SPTB: variants seen among roughly 807,000 people sequenced by gnomAD.
The protein encoded by SPTB is spectrin beta chain, erythrocytic.
A neutral mutation model predicts 256.2 loss-of-function variants in SPTB; 45 were observed. The ratio of observed to expected loss-of-function variants is 0.18; its 90% CI spans 0.14 to 0.23. The LOEUF is 0.23. Among genes scored for constraint, SPTB ranks in the 10% least tolerant of loss-of-function variants. The probability of loss-of-function intolerance (pLI) is 1.00; values close to 1 mark genes in which losing one functional copy is unlikely to be tolerated. For synonymous variants in SPTB, 1,231 were observed against 1,243.1 expected, an observed-to-expected ratio of 0.99 and a Z score of 0.21; for missense variants, 2,715 against 3,040.4, an observed-to-expected ratio of 0.89 and a Z score of 2.52.
At chr14:64,817,072 G>A (rs1301079334) in intron 2 of SPTB, among the ~76,000 whole-genome samples, 1 of 152,216 alleles carries the variant, frequency 6.6e-6, no homozygotes, top group East Asian at 1.9e-4. Context: ...ACCCATAGAA[G>A]GGAAGCAGCC....
rs143293179 is a variant in SPTB, at chr14:64,799,829, G to A, written c.982C>T (p.Arg328Cys). 3.9e-4 allele frequency: 637 copies of A among 1,614,230 alleles called. 2 individuals are homozygous for A. Among genetic ancestry groups the A allele is most frequent in the South Asian group, 9.1e-4 (83 of 91,084 alleles). ...CCCGTCAGCGAGTTGGCAAACTTGCGGCTGTTCAGGACAGTGATGGTCTGC... is the reference window on the plus strand; with the variant it reads ...CCCGTCAGCGAGTTGGCAAACTTGCAGCTGTTCAGGACAGTGATGGTCTGC... ...IEQTITVLNS[R>C]KFANSLTGVQ... is the part of the protein sequence containing the mutation. The change falls in exon 9 of 36, where the codon CGC (arginine) becomes TGC (cysteine). Residue 328 changes from arginine to cysteine, a missense_variant. This residue lies in a region of SPTB where 416 missense variants were observed against 571.1 expected (regional missense o/e 0.73). Transcript: ENST00000644917.
In SPTB at chr14:64,853,812, A is replaced by C. The variant is rs947770467; in HGVS notation, c.-52+25980T>G. ...GAACATTTCTTGTGTCTACTGGCCT[A>C]GGATCTCACACATATCAGGAGCTTA... On this transcript the variant is annotated intron_variant, in intron 1 of 35. Transcript: ENST00000644917. This position sits in a 1 kb window ranked among gnomAD's most constrained non-coding sequence, Gnocchi z 4.3. 1.1e-4 allele frequency among the ~76,000 whole-genome samples: 16 copies of C among 152,348 alleles called. No individual in the cohort carries two copies. Among genetic ancestry groups the C allele is most frequent in the Admixed American group, 1.0e-3 (16 of 15,308 alleles).
chr14:64,795,332 C>G lies in SPTB; in HGVS notation c.1644+5G>C. ...GGCATGGCGGGGGCGGCCCCCAGGG[C>G]CCACCTTGATCTCATCCATCCAGTC... On this transcript the variant is annotated splice_donor_5th_base_variant and intron_variant, in intron 12 of 35. Coordinates refer to ENST00000644917, the MANE Select transcript of SPTB (RefSeq NM_001355436.2). This position sits in a 1 kb window ranked among gnomAD's most constrained non-coding sequence, Gnocchi z 6.5. 2 of 1,602,768 alleles carry G rather than the reference C, an allele frequency of 1.2e-6. No individual in the cohort carries two copies. The highest frequency in any genetic ancestry group is 1.7e-6 in the Non-Finnish European group (2 of 1,179,768).
chr14:64,782,843 A>G (rs988722252), intron 19 of SPTB, among the ~76,000 whole-genome samples: 3 of 150,110 alleles, frequency 2.0e-5, no homozygotes, highest in Non-Finnish European at 3.0e-5. Flanking sequence ...AAGCCTGTGC[A>G]TAATTTTCAT....
intron 20 of SPTB, among the ~76,000 whole-genome samples, chr14:64,780,736 C>T (rs2082454516): frequency 6.6e-6 from 1 of 152,052 alleles, no homozygotes; most frequent in African/African-American, 2.4e-5. Context: ...TAAAAATTTA[C>T]ATGAAACCAA....
chr14:64,858,254 G>A (rs916524091), intron 1 of SPTB, among the ~76,000 whole-genome samples: 2 of 152,218 alleles, frequency 1.3e-5, no homozygotes, highest in South Asian at 2.1e-4. Context: ...GCAGGTAAGA[G>A]CTAGGTAACA....
intron 23 of SPTB, 43 bp from the exon 24 acceptor site, chr14:64,774,570 A>G (rs1349710685): frequency 6.4e-7 from 1 of 1,550,886 alleles, no homozygotes; most frequent in Non-Finnish European, 8.7e-7. Context: ...CAGTCTGGCC[A>G]TGATCCCTCC....
intron 1 of SPTB, among the ~76,000 whole-genome samples, chr14:64,839,990 A>T (rs1486799508): frequency 6.6e-6 from 1 of 152,242 alleles, no homozygotes; most frequent in Non-Finnish European, 1.5e-5. Context: ...TATGTAAACA[A>T]TGTCTATCAG....
intron 32 of SPTB, chr14:64,756,207 C>T (rs2082015601): frequency 6.6e-6 from 1 of 152,250 alleles, no homozygotes; most frequent in Non-Finnish European, 1.5e-5. Context: ...TCTGCTGCTA[C>T]CTCACTCTTG....
At position 64,779,301 on chromosome 14, in the gene SPTB, T is replaced by C. The variant is rs771989766; in HGVS notation, c.4474-55A>G. 1.2e-4 allele frequency: 172 copies of C among 1,457,822 alleles called. No homozygotes were observed. The highest frequency in any genetic ancestry group is 1.6e-4 in the Non-Finnish European group (169 of 1,047,778). The allele number at this position is 1,457,822 out of a possible 1,614,324, so 90.3% of individuals were successfully genotyped here. On this transcript the variant is annotated intron_variant, in intron 21 of 35. Coordinates refer to ENST00000644917, the MANE Select transcript of SPTB (RefSeq NM_001355436.2). This position sits in a 1 kb window ranked among gnomAD's most constrained non-coding sequence, Gnocchi z 4.2. ...GATGACAATCACGGCCAACCTTTCCTGAGTGCTCACCATGGGCGGCGCAGA... is the reference window on the plus strand; with the variant it reads ...GATGACAATCACGGCCAACCTTTCCCGAGTGCTCACCATGGGCGGCGCAGA...
At chr14:64,849,405 T>C (rs181847388) in intron 1 of SPTB, among the ~76,000 whole-genome samples, 47 of 152,320 alleles carry the variant, frequency 3.1e-4, no homozygotes, top group Admixed American at 2.1e-3. Flanking sequence ...ACTTTATAGG[T>C]AGCAAATGTG....
At chr14:64,810,957 A>C (rs996675453) in intron 2 of SPTB, among the ~76,000 whole-genome samples, 1 of 152,158 alleles carries the variant, frequency 6.6e-6, no homozygotes, top group African/African-American at 2.4e-5. Flanking sequence ...TCTACAAAAA[A>C]ATTTAAAAAT....
intron 1 of SPTB, among the ~76,000 whole-genome samples, chr14:64,863,607 C>A (rs1566809291): frequency 6.6e-6 from 1 of 152,344 alleles, no homozygotes; most frequent in East Asian, 1.9e-4. Context: ...TGCTTCTTGT[C>A]CCCACCTCCC....
intron 9 of SPTB, 28 bp from the exon 10 acceptor site, chr14:64,797,874 T>C (rs1478348832): frequency 6.3e-7 from 1 of 1,590,578 alleles, no homozygotes; most frequent in Non-Finnish European, 8.6e-7. Flanking sequence ...GTAGGAAGAC[T>C]GATGTTAAGA....
chr14:64,820,539 C>T lies in SPTB; in HGVS notation c.148+2408G>A, dbSNP rs528923687. 1.4e-4 allele frequency among the ~76,000 whole-genome samples: 22 copies of T among 152,328 alleles called. No homozygotes were observed. The South Asian group carries it at 4.4e-3, about 30-fold the overall frequency. ...TCTGAATAGTTAAGGCCCAGGCATACAATTCTATGCTCTGTGGCTTTTCCT... is the reference window on the plus strand; with the variant it reads ...TCTGAATAGTTAAGGCCCAGGCATATAATTCTATGCTCTGTGGCTTTTCCT... On this transcript the variant is annotated intron_variant, in intron 2 of 35. Coordinates refer to ENST00000644917, the MANE Select transcript of SPTB (RefSeq NM_001355436.2).
intron 20 of SPTB, among the ~76,000 whole-genome samples, chr14:64,780,245 G>A (rs906622532): frequency 9.2e-5 from 14 of 152,180 alleles, no homozygotes. Flanking sequence ...GTTTCAGACT[G>A]TGCTCAAAGA....
chr14:64,823,241 C>A lies in SPTB; in HGVS notation c.-51-96G>T. 1 of 927,168 alleles carries A rather than the reference C, an allele frequency of 1.1e-6. No individual in the cohort carries two copies. 57.4% of individuals were successfully genotyped at this position (927,168 alleles called of 1,614,324 possible). ...TCGGAGCATCCAACGTGAGTAGATC[C>A]TGACAGAAGCAGAACGCCATGTCAT... On this transcript the variant is annotated intron_variant, in intron 1 of 35. Transcript: ENST00000644917. This position sits in a 1 kb window ranked among gnomAD's most constrained non-coding sequence, Gnocchi z 6.5.
chr14:64,769,573 C>T lies in SPTB; in HGVS notation c.5937+17G>A. 6.2e-7 allele frequency: 1 copy of T among 1,613,590 alleles called. No homozygotes were observed. The highest frequency in any genetic ancestry group is 8.5e-7 in the Non-Finnish European group (1 of 1,179,972). ...CGGAGACGGAGGAGCTCGCCTCCAT[C>T]CTTGCAGTCCCCTCACCTCCTCTGA... On this transcript the variant is annotated intron_variant, in intron 28 of 35. Coordinates refer to ENST00000644917, the MANE Select transcript of SPTB (RefSeq NM_001355436.2).
rs1160614294 is a variant in SPTB, at chr14:64,753,858, G to T, written c.6346-65C>A. The T allele has an allele frequency of 1.9e-6, 3 of 1,598,832 alleles. No individual in the cohort carries two copies. The Admixed American group carries it at 5.0e-5, about 27-fold the overall frequency. On this transcript the variant is annotated intron_variant, in intron 32 of 35. Coordinates refer to ENST00000644917, the MANE Select transcript of SPTB (RefSeq NM_001355436.2). ...TCTGGCTTAGAGATGGCTGTTCTCA[G>T]CAAAATTGGGAGGTCAGCAGCCACC...
Sources: allele counts gnomAD v4.1 joint callset (sites outside exome capture counted in the v4.1 genomes callset), GRCh38; gene constraint gnomAD v4.1.1; regional missense constraint gnomAD v4.1.1; non-coding constraint Gnocchi (gnomAD v3.1); transcripts MANE v1.5; gene names NCBI Gene and HGNC (gene_info 2026-07-23, HGNC 2026-07-21).